The following GRM3 variants were observed in gnomAD, a reference collection of about 807,000 sequenced individuals.
GRM3 encodes the protein metabotropic glutamate receptor 3.
GRM3 carries 26 observed loss-of-function variants against 70.5 expected under a neutral mutation model. The ratio of observed to expected loss-of-function variants is 0.37; its 90% CI spans 0.27 to 0.51. The LOEUF (loss-of-function observed/expected upper bound fraction) is 0.51. Among genes scored for constraint, GRM3 ranks in the 20% least tolerant of loss-of-function variants. The pLI, the probability that GRM3 is intolerant of heterozygous loss-of-function variation, is 0.93. For synonymous variants in GRM3, 443 were observed against 434.9 expected (o/e 1.02, Z -0.23); for missense variants, 859 against 1,123.8 (o/e 0.76, Z 3.37).
chr7:86,733,022 A>G (rs1247302280), intron 1 of GRM3, among the ~76,000 whole-genome samples: 1 of 152,100 alleles, frequency 6.6e-6, no homozygotes, highest in African/African-American at 2.4e-5. Flanking sequence ...GGAGATAAGA[A>G]AGGCTGAGAT....
chr7:86,752,023 G>A (rs1796243599), intron 1 of GRM3, among the ~76,000 whole-genome samples: 1 of 152,056 alleles, frequency 6.6e-6, no homozygotes, highest in South Asian at 2.1e-4. Context: ...TCATTGAAGT[G>A]TAATATACAT....
chr7:86,775,124 T>G (rs1369081046), intron 2 of GRM3: 1 of 152,132 alleles, frequency 6.6e-6, no homozygotes, highest in Non-Finnish European at 1.5e-5. Context: ...GACTCTCAGC[T>G]CTTATTTTTA....
chr7:86,787,145 C>A, intron 3 of GRM3, 29 bp downstream of exon 3: 1 of 1,542,810 alleles, frequency 6.5e-7, no homozygotes, highest in South Asian at 1.2e-5. Flanking sequence ...AACATCTTCT[C>A]AGATGCAAAC....
In GRM3 at chr7:86,675,489, C is replaced by T. The variant is rs201053342; in HGVS notation, c.-141+30617C>T. On this transcript the variant is annotated intron_variant, in intron 1 of 5. Transcript: ENST00000361669. ...TCCAAGTACAGTGAGAGCCAAGAACCTACCAGTTGTCTTTAAAAAGTAACA... is the reference window on the plus strand; with the variant it reads ...TCCAAGTACAGTGAGAGCCAAGAACTTACCAGTTGTCTTTAAAAAGTAACA... Among the ~76,000 whole-genome samples, 14 of 152,136 alleles carry T rather than the reference C, an allele frequency of 9.2e-5. 1 individual carries two copies. The East Asian group carries it at 2.7e-3, about 29-fold the overall frequency.
chr7:86,808,732 T>C (rs1365416941), intron 3 of GRM3, among the ~76,000 whole-genome samples: 2 of 151,940 alleles, frequency 1.3e-5, no homozygotes, highest in African/African-American at 4.8e-5. Context: ...AGCAGAGACC[T>C]GAAGAGGTGA....
At chr7:86,722,268 T>C (rs1329696797) in intron 1 of GRM3, among the ~76,000 whole-genome samples, 6 of 152,154 alleles carry the variant, frequency 3.9e-5, no homozygotes, top group Non-Finnish European at 7.4e-5. Flanking sequence ...ACCCAAAGGA[T>C]TATAAATCAT....
intron 3 of GRM3, among the ~76,000 whole-genome samples, chr7:86,807,380 T>C (rs999408997): frequency 7.0e-6 from 1 of 142,604 alleles, no homozygotes; most frequent in African/African-American, 2.8e-5. Flanking sequence ...TCCATGAGCA[T>C]GGAATGTTCT....
At chr7:86,663,761 A>G (rs893906163) in intron 1 of GRM3, among the ~76,000 whole-genome samples, 1 of 152,018 alleles carries the variant, frequency 6.6e-6, no homozygotes, top group Non-Finnish European at 1.5e-5. Flanking sequence ...GGAGCTCATC[A>G]TCTTGTGAGG....
At chr7:86,738,580 C>T (rs1795916402) in intron 1 of GRM3, among the ~76,000 whole-genome samples, 1 of 152,100 alleles carries the variant, frequency 6.6e-6, no homozygotes, top group Non-Finnish European at 1.5e-5. Flanking sequence ...GACACTTAGG[C>T]AAGTTAAATG....
At chr7:86,757,593 G>C (rs1796375340) in intron 1 of GRM3, among the ~76,000 whole-genome samples, 1 of 152,172 alleles carries the variant, frequency 6.6e-6, no homozygotes, top group South Asian at 2.1e-4. Flanking sequence ...TGACCACTCA[G>C]ATCTGCCCAC....
rs17160995 is a variant in GRM3 at position 86,785,229 on chromosome 7, C to A, written c.469-1032C>A. On this transcript the variant is annotated intron_variant, in intron 2 of 5. Coordinates refer to ENST00000361669, the MANE Select transcript of GRM3 (RefSeq NM_000840.3). ...CTTAAGTCAGTATAGAGAAAGAACT[C>A]TCCTACGTGAGGTAGACAGGAGAAA... Among the ~76,000 whole-genome samples, 1,067 of 152,320 alleles carry A rather than the reference C, an allele frequency of 7.0e-3. 11 individuals are homozygous for A. Among genetic ancestry groups the A allele is most frequent in the African/African-American group, 0.025 (1,021 of 41,570 alleles).
chr7:86,768,230 A>T (rs961343224), intron 2 of GRM3, among the ~76,000 whole-genome samples: 1 of 152,210 alleles, frequency 6.6e-6, no homozygotes, highest in Non-Finnish European at 1.5e-5. Context: ...AAACTGACAG[A>T]TTCAATAAAT....
intron 3 of GRM3, among the ~76,000 whole-genome samples, chr7:86,807,359 G>T (rs1293627452): frequency 8.6e-6 from 1 of 116,684 alleles, no homozygotes; most frequent in African/African-American, 4.3e-5. Context: ...TCACGATATT[G>T]ATTCTTCCTA....
At chr7:86,672,152 CTAGTG>C (rs1794187640) in intron 1 of GRM3, among the ~76,000 whole-genome samples, 1 of 152,110 alleles carries the variant, frequency 6.6e-6, no homozygotes, top group Admixed American at 6.6e-5. Flanking sequence ...AGTATCCAGT[CTAGTG>C]TAGTGGGAAA....
At chr7:86,684,198 C>T (rs773179715) in intron 1 of GRM3, among the ~76,000 whole-genome samples, 5 of 152,074 alleles carry the variant, frequency 3.3e-5, no homozygotes, top group African/African-American at 9.7e-5. Flanking sequence ...ATTTAGTTTT[C>T]GGCTCAAAGC....
rs150926791 is a variant in GRM3, at chr7:86,817,561, T to C, written c.1325-21278T>C. ...GTTTAGGGCTAGCTTTTGATCATTTTTCATGTTAACTATTATGGAAAATTT... is the reference window on the plus strand; with the variant it reads ...GTTTAGGGCTAGCTTTTGATCATTTCTCATGTTAACTATTATGGAAAATTT... On this transcript the variant is annotated intron_variant, in intron 3 of 5. Transcript: ENST00000361669. 2.0e-4 allele frequency among the ~76,000 whole-genome samples: 31 copies of C among 152,122 alleles called. No homozygotes were observed. The East Asian group carries it at 6.0e-3, about 29-fold the overall frequency.
At chr7:86,826,881 T>C (rs1201834732) in intron 3 of GRM3, among the ~76,000 whole-genome samples, 1 of 152,198 alleles carries the variant, frequency 6.6e-6, no homozygotes. Flanking sequence ...TAATAATATA[T>C]GCAAGTGTCA....
At chr7:86,803,754 G>GTGTTTGTT (rs111240911) in intron 3 of GRM3, among the ~76,000 whole-genome samples, 132 of 151,878 alleles carry the variant, frequency 8.7e-4, no homozygotes, top group Non-Finnish European at 1.3e-3. Flanking sequence ...GTGGCAAGAG[G>GTGTTTGTT]TGTTTGTTTG....
rs957805443 is a variant in GRM3, at chr7:86,644,687, G to A, written c.-326G>A. The A allele has an allele frequency of 9.5e-6, 7 of 740,492 alleles. No individual in the cohort carries two copies. Among genetic ancestry groups the A allele is most frequent in the East Asian group, 6.4e-5 (1 of 15,542 alleles). The allele number at this position is 740,492 out of a possible 1,614,324, so 45.9% of individuals were successfully genotyped here. On this transcript the variant is annotated 5_prime_UTR_variant, in exon 1 of 6. Coordinates refer to ENST00000361669, the MANE Select transcript of GRM3 (RefSeq NM_000840.3). The stretch of plus-strand genomic sequence containing the variant: ...GGGGCACTGTGACAGGAAGCTGCGC[G>A]CACAAGTTGGCCATTTCGAGGGCAA...
Sources: allele counts gnomAD v4.1 joint callset (sites outside exome capture counted in the v4.1 genomes callset), GRCh38; gene constraint gnomAD v4.1.1; transcripts MANE v1.5; gene names NCBI Gene and HGNC (gene_info 2026-07-23, HGNC 2026-07-21).